The following HMGA2 variants were observed in gnomAD, a reference collection of about 807,000 sequenced individuals.
HMGA2 encodes high mobility group protein HMGI-C.
HMGA2 carries 8 observed loss-of-function variants against 19.1 expected under a neutral mutation model. The observed-to-expected ratio is 0.42, with a 90% CI of 0.25 to 0.76. The LOEUF (loss-of-function observed/expected upper bound fraction) is 0.76. Ranked by LOEUF, HMGA2 falls within the 30% of genes least tolerant of loss-of-function variation. HMGA2 has a pLI of 0.28. For synonymous variants in HMGA2, 60 were observed against 48.8 expected (o/e 1.23, Z -0.96); for missense variants, 109 against 136.3 (o/e 0.80, Z 1.00).
In HMGA2 at chr12:65,926,145, C is replaced by T. The variant is rs374073642; in HGVS notation, c.250-25238C>T. Among the ~76,000 whole-genome samples, 10 of 152,278 alleles carry T rather than the reference C, an allele frequency of 6.6e-5. No individual in the cohort carries two copies. The East Asian group carries it at 9.6e-4, about 15-fold the overall frequency. ...CAGACAATCAAAATCTTCACTAAAT[C>T]CCTGTATTTATTAGGGAAGCTCGGA... On this transcript the variant is annotated intron_variant, in intron 3 of 4. Transcript: ENST00000403681.
intron 2 of HMGA2, among the ~76,000 whole-genome samples, chr12:65,836,281 C>A (rs1870719605): frequency 6.6e-6 from 1 of 151,874 alleles, no homozygotes; most frequent in Admixed American, 6.6e-5. Flanking sequence ...ATGGAGTGAA[C>A]CCGGGAGGCG....
At chr12:65,881,929 G>GGA in intron 3 of HMGA2, 1 of 701,452 alleles carries the variant, frequency 1.4e-6, no homozygotes, top group South Asian at 1.5e-5. Flanking sequence ...CAGAAGGCAT[G>GGA]GAGAGATTCC....
chr12:65,905,764 G>A (rs1218231170), intron 3 of HMGA2, among the ~76,000 whole-genome samples: 1 of 152,102 alleles, frequency 6.6e-6, no homozygotes, highest in East Asian at 1.9e-4. Context: ...AGAAATTTTA[G>A]ATGACTCATA....
chr12:65,835,820 A>G (rs1382691315), intron 2 of HMGA2, among the ~76,000 whole-genome samples: 1 of 152,190 alleles, frequency 6.6e-6, no homozygotes, highest in African/African-American at 2.4e-5. Flanking sequence ...TCTAAGGTCA[A>G]TAGGCTCCTT....
At chr12:65,849,007 G>A (rs928368200) in intron 3 of HMGA2, among the ~76,000 whole-genome samples, 4 of 152,240 alleles carry the variant, frequency 2.6e-5, no homozygotes, top group African/African-American at 7.2e-5. Flanking sequence ...AACTGTATGT[G>A]CATGGAGGAA....
intron 3 of HMGA2, among the ~76,000 whole-genome samples, chr12:65,877,928 T>C (rs1873138540): frequency 6.6e-6 from 1 of 152,220 alleles, no homozygotes; most frequent in African/African-American, 2.4e-5. Context: ...GTGAAAATTT[T>C]TTCTTTAAGA....
chr12:65,951,491 T>C, intron 4 of HMGA2, 76 bp downstream of exon 4: 2 of 918,568 alleles, frequency 2.2e-6, no homozygotes, highest in South Asian at 3.0e-5. Flanking sequence ...GTCCCCAAAC[T>C]AAACCTTATT....
chr12:65,888,329 G>A (rs988773973), intron 3 of HMGA2, among the ~76,000 whole-genome samples: 1 of 151,212 alleles, frequency 6.6e-6, no homozygotes, highest in African/African-American at 2.4e-5. Flanking sequence ...AGTGGTGTGC[G>A]CCTATGATCC....
rs1237492849 is a variant in HMGA2, at chr12:65,870,775, A to G, written c.249+32206A>G. On this transcript the variant is annotated intron_variant, in intron 3 of 4. Coordinates refer to ENST00000403681, the MANE Select transcript of HMGA2 (RefSeq NM_003483.6). ...GGAAGATGACATCCCTGGGACAGGG[A>G]CTTCCATGTCATGTGAAAAGTAGGA... is the stretch of plus-strand genomic sequence containing the variant. Among the ~76,000 whole-genome samples, 5 of 152,344 alleles carry G rather than the reference A, an allele frequency of 3.3e-5. No homozygotes were observed. The South Asian group carries it at 6.2e-4, about 19-fold the overall frequency.
chr12:65,892,976 T>C (rs1050629811), intron 3 of HMGA2, among the ~76,000 whole-genome samples: 2 of 152,124 alleles, frequency 1.3e-5, no homozygotes, highest in Admixed American at 6.5e-5. Flanking sequence ...GTGTCATAAA[T>C]CTGTATCTGC....
intron 3 of HMGA2, chr12:65,935,043 C>CA (rs573511420): frequency 2.0e-4 from 31 of 152,322 alleles, no homozygotes; most frequent in African/African-American, 7.5e-4. Context: ...CACCACAGCT[C>CA]AAAGGGAGGT....
intron 2 of HMGA2, among the ~76,000 whole-genome samples, chr12:65,831,556 C>A (rs1870478878): frequency 6.6e-6 from 1 of 151,644 alleles, no homozygotes; most frequent in Non-Finnish European, 1.5e-5. Flanking sequence ...ATCTAGGAAG[C>A]AAAGTGCAGA....
chr12:65,903,768 T>C (rs1215339203), intron 3 of HMGA2, among the ~76,000 whole-genome samples: 2 of 152,230 alleles, frequency 1.3e-5, no homozygotes, highest in Non-Finnish European at 2.9e-5. Context: ...GATCACAGAA[T>C]TTCTGAACTC....
At chr12:65,866,746 A>G in intron 3 of HMGA2, 1 of 450,594 alleles carries the variant, frequency 2.2e-6, no homozygotes, top group South Asian at 1.6e-5. Context: ...ATTAATGTGA[A>G]TAGTCATTCT....
chr12:65,925,808 G>C (rs1875484851), intron 3 of HMGA2, among the ~76,000 whole-genome samples: 1 of 152,184 alleles, frequency 6.6e-6, no homozygotes, highest in Non-Finnish European at 1.5e-5. Context: ...ACTGACACGT[G>C]AATGTGTGTG....
chr12:65,870,725 A>AAAAAC (rs1209021774), intron 3 of HMGA2, among the ~76,000 whole-genome samples: 5 of 152,200 alleles, frequency 3.3e-5, no homozygotes, highest in South Asian at 2.1e-4. Context: ...GACTCCATCT[A>AAAAAC]AAAACAAAAC....
At chr12:65,873,102 C>T (rs746325491) in intron 3 of HMGA2, among the ~76,000 whole-genome samples, 2 of 152,182 alleles carry the variant, frequency 1.3e-5, no homozygotes, top group Non-Finnish European at 2.9e-5. Context: ...TCCTGTTTGC[C>T]TCATGGGAAT....
chr12:65,930,871 A>G (rs1034188662), intron 3 of HMGA2, among the ~76,000 whole-genome samples: 35 of 152,168 alleles, frequency 2.3e-4, no homozygotes, highest in African/African-American at 8.0e-4. Flanking sequence ...TTTTGCTTTT[A>G]TGTGTTAAAG....
chr12:65,882,230 C>T (rs1027914285), intron 3 of HMGA2: 6 of 322,510 alleles, frequency 1.9e-5, no homozygotes, highest in African/African-American at 1.3e-4. Context: ...CCAGTTGGCC[C>T]CTGCCCACCT....
Sources: gnomAD v4.1 joint callset for allele counts (sites outside exome capture counted in the v4.1 genomes callset) on GRCh38, gnomAD v4.1.1 for gene constraint, MANE v1.5 for transcripts, NCBI Gene and HGNC (gene_info 2026-07-23, HGNC 2026-07-21) for gene names.